Variants in SFMBT2 observed in about 807,000 individuals in gnomAD.
SFMBT2 encodes the protein scm-like with four MBT domains protein 2.
A neutral mutation model predicts 110.1 loss-of-function variants in SFMBT2; 38 were observed. The ratio of observed to expected loss-of-function variants is 0.35; its 90% confidence interval spans 0.27 to 0.45. The LOEUF is 0.45. Among genes scored for constraint, SFMBT2 ranks in the 20% least tolerant of loss-of-function variants. The pLI is 1.00. For synonymous variants in SFMBT2, 425 were observed against 425.4 expected, an observed-to-expected ratio of 1.00 and a Z score of 0.01; for missense variants, 1,011 against 1,094.9, an observed-to-expected ratio of 0.92 and a Z score of 1.08.
chr10:7,316,808 C>T lies in SFMBT2; in HGVS notation c.437-30854G>A, dbSNP rs532387591. On this transcript the variant is annotated intron_variant, in intron 4 of 20. Transcript: ENST00000397167. ...TCTGAAAAAGATCCCCTATTGGACT[C>T]TCCATGAACCTCTTGATATTACATA... 2.7e-4 allele frequency among the ~76,000 whole-genome samples: 41 copies of T among 152,292 alleles called. No homozygotes were observed. The South Asian group carries it at 8.5e-3, about 32-fold the overall frequency.
At chr10:7,300,345 C>T (rs1842524122) in intron 4 of SFMBT2, among the ~76,000 whole-genome samples, 1 of 151,842 alleles carries the variant, frequency 6.6e-6, no homozygotes, top group Non-Finnish European at 1.5e-5. Flanking sequence ...AAGCAGGCTA[C>T]ACTCACACTG....
In SFMBT2 at chr10:7,236,504, T is replaced by A. The variant is rs572733544; in HGVS notation, c.1120+7054A>T. On this transcript the variant is annotated intron_variant, in intron 9 of 20. Coordinates refer to ENST00000397167, the MANE Select transcript of SFMBT2 (RefSeq NM_001387889.1). ...TCACACCCACAAAGGGATGGATCCA[T>A]GACAGTGGTGGCATTATAAATCAAA... Among the ~76,000 whole-genome samples, 49 of 152,276 alleles carry A rather than the reference T, an allele frequency of 3.2e-4. 2 individuals are homozygous for A. The Middle Eastern group carries it at 0.017, about 53-fold the overall frequency.
At chr10:7,259,937 G>A (rs1322454405) in intron 7 of SFMBT2, among the ~76,000 whole-genome samples, 1 of 152,212 alleles carries the variant, frequency 6.6e-6, no homozygotes, top group Non-Finnish European at 1.5e-5. Context: ...ACCTGGTGCT[G>A]CTGTTACCCT....
chr10:7,322,524 G>A (rs1843224755), intron 4 of SFMBT2, among the ~76,000 whole-genome samples: 1 of 151,956 alleles, frequency 6.6e-6, no homozygotes, highest in South Asian at 2.1e-4. Context: ...ATTCCAGATG[G>A]ATTAAAGATC....
At chr10:7,200,795 CT>C (rs1484374310) in intron 13 of SFMBT2, 2 of 157,222 alleles carry the variant, frequency 1.3e-5, no homozygotes, top group Non-Finnish European at 2.8e-5. Context: ...GTAATACTGC[CT>C]TCAATTATAT....
rs1845429176 is a variant in SFMBT2 at position 7,381,780 on chromosome 10, C to G, written c.100+19G>C. 7 of 1,607,398 alleles carry G rather than the reference C, an allele frequency of 4.4e-6. No individual in the cohort carries two copies. The highest frequency in any genetic ancestry group is 5.9e-6 in the Non-Finnish European group (7 of 1,177,708). ...CAATTCATCAAAAATCCAGATGAAT[C>G]TCGAAAACAAAATCCTACCAGAATC... On this transcript the variant is annotated intron_variant, in intron 2 of 20. Transcript: ENST00000397167.
intron 2 of SFMBT2, among the ~76,000 whole-genome samples, chr10:7,380,383 G>A (rs776823398): frequency 6.6e-6 from 1 of 152,170 alleles, no homozygotes; most frequent in Non-Finnish European, 1.5e-5. Flanking sequence ...CTTCCCTCAT[G>A]TGAGGGTTTT....
At chr10:7,318,036 T>C (rs147153309) in intron 4 of SFMBT2, among the ~76,000 whole-genome samples, 3 of 152,372 alleles carry the variant, frequency 2.0e-5, no homozygotes, top group African/African-American at 4.8e-5. Context: ...AATGATTTTC[T>C]GAGAACTCTA....
intron 4 of SFMBT2, among the ~76,000 whole-genome samples, chr10:7,319,984 G>A (rs952148917): frequency 1.3e-5 from 2 of 149,114 alleles, no homozygotes; most frequent in Non-Finnish European, 3.0e-5. Context: ...GAGAGACACA[G>A]AGAGAGAGAC....
At chr10:7,350,191 ATT>A (rs35769123) in intron 4 of SFMBT2, among the ~76,000 whole-genome samples, 2 of 144,720 alleles carry the variant, frequency 1.4e-5, no homozygotes, top group South Asian at 2.2e-4. Flanking sequence ...TAGTTCCTAG[ATT>A]TTTTTTTTTT....
chr10:7,356,526 C>G (rs1844520521), intron 4 of SFMBT2, among the ~76,000 whole-genome samples: 1 of 152,218 alleles, frequency 6.6e-6, no homozygotes, highest in African/African-American at 2.4e-5. Context: ...AGCAACTCTC[C>G]TGCCTCAGCC....
intron 4 of SFMBT2, among the ~76,000 whole-genome samples, chr10:7,304,920 C>G (rs978665131): frequency 1.3e-5 from 2 of 152,160 alleles, no homozygotes; most frequent in African/African-American, 4.8e-5. Context: ...GACAGTTGCA[C>G]CCCTGGGAGG....
intron 1 of SFMBT2, among the ~76,000 whole-genome samples, chr10:7,392,517 G>C (rs1404186485): frequency 6.6e-6 from 1 of 150,914 alleles, no homozygotes; most frequent in Admixed American, 6.6e-5. Flanking sequence ...CCGTCTCAAA[G>C]GAAAAAAAAA....
At position 7,349,440 on chromosome 10, in the gene SFMBT2, C is replaced by CTTTTTTTTTTTTTTTT. The variant is rs369479041; in HGVS notation, c.436+18193_436+18208dup. The stretch of plus-strand genomic sequence containing the variant: ...CCCTGACTCTTTTTTCTTTTCTTTT[C>CTTTTTTTTTTTTTTTT]TTTTTTTTTTTTTTTTTTTTTTTTT... On this transcript the variant is annotated intron_variant, in intron 4 of 20. Transcript: ENST00000397167. Among the ~76,000 whole-genome samples, 208 of 46,892 alleles carry CTTTTTTTTTTTTTTTT rather than the reference C, an allele frequency of 4.4e-3. 44 individuals are homozygous for CTTTTTTTTTTTTTTTT. Among genetic ancestry groups the CTTTTTTTTTTTTTTTT allele is most frequent in the African/African-American group, 5.6e-3 (62 of 10,988 alleles). 30.8% of individuals were successfully genotyped at this position (46,892 alleles called of 152,430 possible).
chr10:7,383,847 A>AT (rs1184673830), intron 1 of SFMBT2, among the ~76,000 whole-genome samples: 1 of 152,146 alleles, frequency 6.6e-6, no homozygotes, highest in Non-Finnish European at 1.5e-5. Flanking sequence ...GACTTTCCTG[A>AT]TTTAAAGTGT....
Position 7,381,913 on chromosome 10 carries a change from T to G in SFMBT2, c.-15A>C. The G allele has an allele frequency of 6.4e-7, 1 of 1,569,752 alleles. No individual in the cohort carries two copies. The highest frequency in any genetic ancestry group is 8.7e-7 in the Non-Finnish European group (1 of 1,154,076). On this transcript the variant is annotated 5_prime_UTR_variant, in exon 2 of 21. Transcript: ENST00000397167. ...GTGCTCTCCATGCCTGATGAGCAAG[T>G]GTCTCTTCTCTTAATTCATCCTGCA...
intron 4 of SFMBT2, among the ~76,000 whole-genome samples, chr10:7,289,481 G>A (rs1842200256): frequency 2.0e-5 from 3 of 152,174 alleles, no homozygotes; most frequent in Non-Finnish European, 4.4e-5. Flanking sequence ...CATCTTGCGA[G>A]CCTCAAGTTC....
intron 13 of SFMBT2, chr10:7,200,857 C>T (rs2692827): frequency 0.014 from 2,739 of 190,858 alleles, 28 homozygotes; most frequent in Non-Finnish European, 0.02. Flanking sequence ...CAGACTTTTC[C>T]ACTTCGATGT....
chr10:7,245,865 C>A (rs746386475), intron 8 of SFMBT2, among the ~76,000 whole-genome samples: 3 of 151,900 alleles, frequency 2.0e-5, no homozygotes, highest in Admixed American at 1.3e-4. Context: ...AGTTATGCCA[C>A]GAAGAAAAGG....
Sources: gnomAD v4.1 joint callset for allele counts (sites outside exome capture counted in the v4.1 genomes callset) on GRCh38, gnomAD v4.1.1 for gene constraint, MANE v1.5 for transcripts, NCBI Gene and HGNC (gene_info 2026-07-23, HGNC 2026-07-21) for gene names.